Variants in LHX4 observed in about 807,000 individuals in gnomAD.
LHX4 encodes the protein LIM/homeobox protein Lhx4.
A neutral mutation model predicts 39.2 loss-of-function variants in LHX4; 16 were observed. The observed-to-expected ratio is 0.41, with a 90% CI of 0.28 to 0.62. The LOEUF (loss-of-function observed/expected upper bound fraction) is 0.62, where lower values mean the gene tolerates loss of function less well. Ranked by LOEUF, LHX4 falls within the 20% of genes least tolerant of loss-of-function variation. The pLI is 0.33. For synonymous variants in LHX4, 206 were observed against 198.1 expected (o/e 1.04, Z -0.33); for missense variants, 439 against 511.9 (o/e 0.86, Z 1.37).
intron 5 of LHX4, chr1:180,273,929 G>A (rs550694529): frequency 3.0e-5 from 16 of 534,326 alleles, no homozygotes; most frequent in East Asian, 1.7e-4. Context: ...AGGGACCAAC[G>A]AGCTCACCAA....
At position 180,274,336 on chromosome 1, in the gene LHX4, C is replaced by T; in HGVS notation, c.930C>T (p.Ile310=). ...QDLRDGSPYG[I]PQSPSSISSL... ...TGAGGGATGGGAGCCCCTATGGAAT[C>T]CCCCAGTCTCCATCCTCCATATCGT... The change falls in exon 6 of 6, where the codon ATC becomes ATT. Residue 310 remains isoleucine (I), a synonymous_variant. Transcript: ENST00000263726. 1.2e-6 allele frequency: 2 copies of T among 1,614,194 alleles called. No individual in the cohort carries two copies. The highest frequency in any genetic ancestry group is 1.7e-6 in the Non-Finnish European group (2 of 1,180,040).
At chr1:180,254,339 T>C (rs1317248957) in intron 2 of LHX4, among the ~76,000 whole-genome samples, 3 of 152,190 alleles carry the variant, frequency 2.0e-5, no homozygotes, top group African/African-American at 7.2e-5. Context: ...GCAGGGGAGC[T>C]GTGCGGCTGC....
chr1:180,240,406 A>G (rs1481258449), intron 1 of LHX4, among the ~76,000 whole-genome samples: 1 of 152,174 alleles, frequency 6.6e-6, no homozygotes, highest in African/African-American at 2.4e-5. Flanking sequence ...CAATGGAAAG[A>G]TCTGAAATTC....
chr1:180,258,346 G>T lies in LHX4; in HGVS notation c.249-8046G>T, dbSNP rs529164374. 6.2e-4 allele frequency among the ~76,000 whole-genome samples: 95 copies of T among 152,340 alleles called. 1 individual carries two copies. Among genetic ancestry groups the T allele is most frequent in the Admixed American group, 2.0e-3 (31 of 15,314 alleles). Reference sequence around the variant, plus strand: ...CCGGGCCCCAGGAGGAGGCGGAGTGGACTGGGCAGTGGAGGAGGGAGGGTG... The same window carrying T: ...CCGGGCCCCAGGAGGAGGCGGAGTGTACTGGGCAGTGGAGGAGGGAGGGTG... On this transcript the variant is annotated intron_variant, in intron 2 of 5. Transcript: ENST00000263726.
chr1:180,260,143 T>C (rs967084391), intron 2 of LHX4, among the ~76,000 whole-genome samples: 21 of 151,518 alleles, frequency 1.4e-4, no homozygotes, highest in African/African-American at 4.1e-4. Flanking sequence ...TGCCGGGGCA[T>C]TGGGCTGAGG....
intron 1 of LHX4, among the ~76,000 whole-genome samples, chr1:180,242,116 C>A (rs1664455326): frequency 1.3e-5 from 2 of 152,150 alleles, no homozygotes; most frequent in African/African-American, 4.8e-5. Context: ...TCACTCACTC[C>A]CTACTCTCCC....
intron 2 of LHX4, among the ~76,000 whole-genome samples, chr1:180,264,952 C>A (rs1236773269): frequency 1.3e-5 from 2 of 152,222 alleles, no homozygotes; most frequent in African/African-American, 4.8e-5. Flanking sequence ...AGAACCCCCA[C>A]TTTTCTCTGG....
chr1:180,230,051 G>A (rs1008335701), upstream of LHX4, among the ~76,000 whole-genome samples: 3 of 150,694 alleles, frequency 2.0e-5, no homozygotes, highest in Non-Finnish European at 4.4e-5. The surrounding 1 kb of genome is among the most constrained non-coding windows in gnomAD (Gnocchi z 5.8). Context: ...TCGGGGCGCC[G>A]GGACCCCCAC....
At chr1:180,264,239 A>C (rs780229466) in intron 2 of LHX4, among the ~76,000 whole-genome samples, 1 of 152,232 alleles carries the variant, frequency 6.6e-6, no homozygotes, top group Non-Finnish European at 1.5e-5. Context: ...GGCGTGAGCC[A>C]CCACACCTGG....
At chr1:180,253,797 A>T (rs760828181) in intron 2 of LHX4, among the ~76,000 whole-genome samples, 21 of 152,292 alleles carry the variant, frequency 1.4e-4, no homozygotes, top group Non-Finnish European at 2.6e-4. Context: ...AGGTAGTCAG[A>T]GTTCCCTCAG....
intron 2 of LHX4, among the ~76,000 whole-genome samples, chr1:180,252,888 TTTTC>T (rs1352485635): frequency 6.6e-6 from 1 of 152,166 alleles, no homozygotes; most frequent in Non-Finnish European, 1.5e-5. Context: ...GTTGTTGCAT[TTTTC>T]TTTGGGGGCT....
At position 180,274,183 on chromosome 1, in the gene LHX4, A is replaced by G. The variant is rs1436775894; in HGVS notation, c.779-2A>G. On this transcript the variant is annotated splice_acceptor_variant, in intron 5 of 5. Coordinates refer to ENST00000263726, the MANE Select transcript of LHX4 (RefSeq NM_033343.4). LOFTEE classifies it high-confidence loss of function. ...AATAAATCTCCGTTCTTTTGTCCAC[A>G]GAGGATCAAATTCTCTCAGAACTTG... The G allele has an allele frequency of 6.2e-7, 1 of 1,614,218 alleles. No homozygotes were observed. The highest frequency in any genetic ancestry group is 8.5e-7 in the Non-Finnish European group (1 of 1,180,032).
intron 2 of LHX4, among the ~76,000 whole-genome samples, chr1:180,263,215 G>A (rs996103218): frequency 6.6e-6 from 1 of 152,210 alleles, no homozygotes; most frequent in Admixed American, 6.5e-5. Context: ...TGTAGCAGCC[G>A]GGTTCACAGT....
chr1:180,247,513 G>A lies in LHX4; in HGVS notation c.77-772G>A, dbSNP rs147539562. On this transcript the variant is annotated intron_variant, in intron 1 of 5. Coordinates refer to ENST00000263726, the MANE Select transcript of LHX4 (RefSeq NM_033343.4). Reference sequence around the variant, plus strand: ...CGTGACGCACACCAGCACAATGGGAGCCTGCCCCTCAGCTATCCTGACATT... The same window carrying A: ...CGTGACGCACACCAGCACAATGGGAACCTGCCCCTCAGCTATCCTGACATT... Among the ~76,000 whole-genome samples, 1,180 of 152,276 alleles carry A rather than the reference G, an allele frequency of 7.7e-3. 21 individuals carry two copies. Among genetic ancestry groups the A allele is most frequent in the African/African-American group, 0.027 (1,106 of 41,548 alleles).
In LHX4 at chr1:180,266,205, T is replaced by C. The variant is rs981176056; in HGVS notation, c.249-187T>C. 2.6e-5 allele frequency among the ~76,000 whole-genome samples: 4 copies of C among 152,032 alleles called. No homozygotes were observed. Among genetic ancestry groups the C allele is most frequent in the African/African-American group, 7.2e-5 (3 of 41,432 alleles). Reference sequence around the variant, plus strand: ...AGTCCCTTCTTTGGTGGTTGAAGAGTCCCAGGCACAAAGCAATGAAGCTAG... The same window carrying C: ...AGTCCCTTCTTTGGTGGTTGAAGAGCCCCAGGCACAAAGCAATGAAGCTAG... On this transcript the variant is annotated intron_variant, in intron 2 of 5. Transcript: ENST00000263726. This position sits in a 1 kb window ranked among gnomAD's most constrained non-coding sequence, Gnocchi z 5.7.
At chr1:180,251,570 G>C (rs565880764) in intron 2 of LHX4, among the ~76,000 whole-genome samples, 1 of 152,338 alleles carries the variant, frequency 6.6e-6, no homozygotes, top group East Asian at 1.9e-4. Context: ...TAAGCCCCTG[G>C]CTCTGCGCTT....
At position 180,254,290 on chromosome 1, in the gene LHX4, G is replaced by A. The variant is rs78197702; in HGVS notation, c.248+5834G>A. On this transcript the variant is annotated intron_variant, in intron 2 of 5. Transcript: ENST00000263726. The stretch of plus-strand genomic sequence containing the variant: ...AAGGCAGGCAGGCAGAGATGGGTGC[G>A]CCAGAGGCTCCCGGTAGCGGGATGG... Among the ~76,000 whole-genome samples, 4 of 152,350 alleles carry A rather than the reference G, an allele frequency of 2.6e-5. No homozygotes were observed. The East Asian group carries it at 7.7e-4, about 29-fold the overall frequency.
chr1:180,239,934 G>C (rs1042116615), intron 1 of LHX4, among the ~76,000 whole-genome samples: 3 of 152,120 alleles, frequency 2.0e-5, no homozygotes, highest in Non-Finnish European at 1.5e-5. Flanking sequence ...AATACTGTGG[G>C]GTCTGCAAAC....
chr1:180,271,934 GGCA>G lies in LHX4; in HGVS notation c.713_715del (p.Ser238del). The G allele has an allele frequency of 6.2e-7, 1 of 1,613,402 alleles. No homozygotes were observed. The highest frequency in any genetic ancestry group is 1.1e-5 in the South Asian group (1 of 91,040). ...CTATAAGAGCGTCAAGAGGAGCCGG[GGCA>G]GCAGCAAGCAGGAGAAGGAGAGCTC... On this transcript the variant is annotated inframe_deletion, in exon 5 of 6. Transcript: ENST00000263726.
Sources: allele counts gnomAD v4.1 joint callset (sites outside exome capture counted in the v4.1 genomes callset), GRCh38; gene constraint gnomAD v4.1.1; non-coding constraint Gnocchi (gnomAD v3.1); transcripts MANE v1.5; gene names NCBI Gene and HGNC (gene_info 2026-07-23, HGNC 2026-07-21).